The following PPP2R2B variants were observed in gnomAD, a reference collection of about 807,000 sequenced individuals.
PPP2R2B encodes the protein serine/threonine-protein phosphatase 2A 55 kDa regulatory subunit B beta isoform.
In PPP2R2B, 5 loss-of-function variants were observed where a neutral mutation model predicts 46.0. That is an observed-to-expected ratio of 0.11 (90% CI 0.06 to 0.23). PPP2R2B has a LOEUF of 0.23. Ranked by LOEUF, PPP2R2B falls within the 10% of genes least tolerant of loss-of-function variation. The pLI, the probability that PPP2R2B is intolerant of heterozygous loss-of-function variation, is 1.00. For synonymous variants in PPP2R2B, 215 were observed against 206.7 expected (o/e 1.04, Z -0.34); for missense variants, 367 against 575.0 (o/e 0.64, Z 3.70).
At chr5:146,706,390 A>G (rs1352019173) in intron 2 of PPP2R2B, 6 of 730,888 alleles carry the variant, frequency 8.2e-6, no homozygotes, top group Non-Finnish European at 2.3e-6. Context: ...AGCTCACACC[A>G]CCTGCATAGC....
chr5:146,886,105 G>T (rs1436435383), intron 1 of PPP2R2B, among the ~76,000 whole-genome samples: 1 of 152,176 alleles, frequency 6.6e-6, no homozygotes, highest in Non-Finnish European at 1.5e-5. Flanking sequence ...TTGGGAGGCC[G>T]AGGCGGGCGG....
At chr5:146,820,463 T>G (rs1758190348) in intron 2 of PPP2R2B, among the ~76,000 whole-genome samples, 1 of 152,152 alleles carries the variant, frequency 6.6e-6, no homozygotes, top group Non-Finnish European at 1.5e-5. Flanking sequence ...AATTGGCCAA[T>G]AGTTTCCCAG....
chr5:146,947,826 C>G (rs1446950149), intron 1 of PPP2R2B, among the ~76,000 whole-genome samples: 3 of 151,616 alleles, frequency 2.0e-5, no homozygotes, highest in African/African-American at 7.3e-5. Flanking sequence ...TCTCATGAGT[C>G]CATGCTTTTG....
chr5:146,889,617 C>T (rs1055575848), intron 1 of PPP2R2B, among the ~76,000 whole-genome samples: 9 of 152,174 alleles, frequency 5.9e-5, no homozygotes, highest in African/African-American at 2.2e-4. Flanking sequence ...AATTGGAACT[C>T]TCCCAGGCTT....
chr5:146,989,231 A>AGT lies in PPP2R2B; in HGVS notation c.79+66433_79+66434insAC, dbSNP rs1171696721. Among the ~76,000 whole-genome samples, 986 of 152,192 alleles carry AGT rather than the reference A, an allele frequency of 6.5e-3. 8 individuals are homozygous for AGT. Among genetic ancestry groups the AGT allele is most frequent in the African/African-American group, 0.023 (942 of 41,556 alleles). On this transcript the variant is annotated intron_variant, in intron 1 of 8. Transcript: ENST00000336640. ...TCTTCCAAAAAGCTAAAGTGAACCG[A>AGT]ATAGTTCCATATTCATTCTACAAGG...
chr5:146,916,855 G>A (rs1442140909), intron 1 of PPP2R2B, among the ~76,000 whole-genome samples: 2 of 152,166 alleles, frequency 1.3e-5, no homozygotes, highest in African/African-American at 4.8e-5. Flanking sequence ...TATCATGGCA[G>A]CCACTGATAT....
At chr5:146,860,826 G>A (rs1025546882) in intron 2 of PPP2R2B, among the ~76,000 whole-genome samples, 1 of 152,018 alleles carries the variant, frequency 6.6e-6, no homozygotes, top group Non-Finnish European at 1.5e-5. Context: ...CCGTTGCTCA[G>A]TCCCCTTATA....
chr5:146,955,121 T>C (rs1751827852), intron 1 of PPP2R2B, among the ~76,000 whole-genome samples: 1 of 152,082 alleles, frequency 6.6e-6, no homozygotes, highest in South Asian at 2.1e-4. Flanking sequence ...AATTTAAACA[T>C]AAGCAGTCTT....
rs1392830222 is a variant in PPP2R2B, at chr5:146,600,358, G to T, written c.893C>A (p.Thr298Asn). Residue 298 changes from threonine (T) to asparagine (N), a missense_variant, in exon 8 of 10, where the codon ACC (threonine) becomes AAC (asparagine). Physicochemically the swap from Thr to Asn is moderately conservative, Grantham distance 65. Coordinates refer to ENST00000394411, the MANE Select transcript of PPP2R2B (RefSeq NM_181675.4). The stretch of plus-strand genomic sequence containing the variant: ...GACTTTGACGGTCAAGTAGTCCCTG[G>T]TCATGATATACCTCCCACTGTGGCT... ...KFSHSGRYIM[T>N]RDYLTVKVWD... 6.2e-7 allele frequency: 1 copy of T among 1,613,844 alleles called. No individual in the cohort carries two copies. Among genetic ancestry groups the T allele is most frequent in the Middle Eastern group, 1.7e-4 (1 of 6,060 alleles).
At chr5:146,776,194 A>G (rs910420857) in intron 2 of PPP2R2B, among the ~76,000 whole-genome samples, 15 of 152,138 alleles carry the variant, frequency 9.9e-5, no homozygotes, top group African/African-American at 3.4e-4. Flanking sequence ...AGAATAGTCA[A>G]TTCATCTTGA....
intron 2 of PPP2R2B, among the ~76,000 whole-genome samples, chr5:146,730,542 C>T (rs1230308919): frequency 2.6e-5 from 4 of 152,152 alleles, no homozygotes; most frequent in Admixed American, 2.6e-4. Flanking sequence ...TCCCAGAATT[C>T]CCACATGTTG....
rs551086344 is a variant in PPP2R2B, at chr5:147,038,208, T to C, written c.79+17457A>G. ...TCAGAGGGAACTGGGGATGGCTCAT[T>C]GAACAAGCAGGCCAAATCCTTGTTC... On this transcript the variant is annotated intron_variant, in intron 1 of 8. Coordinates refer to the PPP2R2B transcript ENST00000336640. Among the ~76,000 whole-genome samples, 81 of 152,320 alleles carry C rather than the reference T, an allele frequency of 5.3e-4. 1 individual carries two copies. Among genetic ancestry groups the C allele is most frequent in the Middle Eastern group, 3.4e-3 (1 of 294 alleles).
intron 1 of PPP2R2B, among the ~76,000 whole-genome samples, chr5:146,942,991 G>T (rs574479896): frequency 6.6e-6 from 1 of 152,070 alleles, no homozygotes. Context: ...TAGAGACAGG[G>T]TTTCACCGTG....
chr5:146,801,057 C>T (rs968306275), intron 2 of PPP2R2B, among the ~76,000 whole-genome samples: 8 of 151,904 alleles, frequency 5.3e-5, no homozygotes, highest in African/African-American at 1.9e-4. Flanking sequence ...GGACATTATG[C>T]AAAGTGAAAT....
chr5:146,615,800 C>T (rs1048328663), intron 7 of PPP2R2B, among the ~76,000 whole-genome samples: 3 of 152,080 alleles, frequency 2.0e-5, no homozygotes, highest in Non-Finnish European at 1.5e-5. Flanking sequence ...ATCAATACTG[C>T]TAAAATGTCC....
chr5:146,940,345 C>A (rs1764281373), intron 1 of PPP2R2B, among the ~76,000 whole-genome samples: 1 of 152,156 alleles, frequency 6.6e-6, no homozygotes, highest in Admixed American at 6.5e-5. Flanking sequence ...CCAAATCCAA[C>A]AGAGAACTTC....
intron 2 of PPP2R2B, among the ~76,000 whole-genome samples, chr5:146,843,302 A>G (rs1035530975): frequency 2.6e-5 from 4 of 152,188 alleles, no homozygotes; most frequent in African/African-American, 9.6e-5. Flanking sequence ...ATTGTAGCCT[A>G]CTGAGCACTA....
At chr5:147,042,476 G>A (rs1262912327) in intron 1 of PPP2R2B, among the ~76,000 whole-genome samples, 1 of 152,082 alleles carries the variant, frequency 6.6e-6, no homozygotes, top group African/African-American at 2.4e-5. Context: ...TTCATTTTAA[G>A]CCAAATACTG....
chr5:146,765,963 C>G (rs377322934), intron 2 of PPP2R2B, among the ~76,000 whole-genome samples: 53 of 152,090 alleles, frequency 3.5e-4, no homozygotes, highest in African/African-American at 1.3e-3. Flanking sequence ...TTGGACAGAA[C>G]TTTTTAGACT....
Sources: gnomAD v4.1 joint callset for allele counts (sites outside exome capture counted in the v4.1 genomes callset) on GRCh38, gnomAD v4.1.1 for gene constraint, MANE v1.5 for transcripts, NCBI Gene and HGNC (gene_info 2026-07-23, HGNC 2026-07-21) for gene names.